Variants in ANO4 observed in about 807,000 individuals in gnomAD.
ANO4 encodes the protein anoctamin-4.
ANO4 carries 69 observed loss-of-function variants against 141.9 expected under a neutral mutation model. The observed-to-expected ratio is 0.49, with a 90% CI of 0.40 to 0.59. The LOEUF (loss-of-function observed/expected upper bound fraction) is 0.59, where lower values mean the gene tolerates loss of function less well. ANO4 is among the 20% of genes least tolerant of loss of function. The probability of loss-of-function intolerance (pLI) is 0.00; values close to 1 mark genes in which losing one functional copy is unlikely to be tolerated. For synonymous variants in ANO4, 350 were observed against 394.3 expected (o/e 0.89, Z 1.33); for missense variants, 894 against 1,162.2 (o/e 0.77, Z 3.36).
intron 25 of ANO4, among the ~76,000 whole-genome samples, chr12:101,119,586 GA>G: frequency 1.3e-5 from 2 of 152,196 alleles, no homozygotes; most frequent in Admixed American, 1.3e-4. Context: ...GCAATAATGT[GA>G]ATGAATCTTA....
chr12:100,931,777 T>C (rs770972559), intron 3 of ANO4, among the ~76,000 whole-genome samples: 23 of 152,098 alleles, frequency 1.5e-4, no homozygotes, highest in Non-Finnish European at 2.5e-4. Flanking sequence ...AAAATTGATG[T>C]CATCCTACAA....
intron 3 of ANO4, among the ~76,000 whole-genome samples, chr12:100,768,087 G>A (rs2033159842): frequency 6.6e-6 from 1 of 152,162 alleles, no homozygotes; most frequent in Non-Finnish European, 1.5e-5. Flanking sequence ...GGTTGAGGGA[G>A]TTGGCCTGAA....
At chr12:100,884,055 T>C (rs886734584) in intron 1 of ANO4, among the ~76,000 whole-genome samples, 16 of 152,190 alleles carry the variant, frequency 1.1e-4, no homozygotes, top group African/African-American at 3.9e-4. Context: ...ATAAATAACA[T>C]ATATGGGTTC....
In ANO4 at chr12:101,014,789, C is replaced by G. The variant is rs146537626; in HGVS notation, c.735-5245C>G. Among the ~76,000 whole-genome samples the G allele has an allele frequency of 9.2e-5, 14 of 152,196 alleles. No homozygotes were observed. In the East Asian group the frequency reaches 2.7e-3, roughly 29 times the overall value. ...TTTCAGGGGGAATGTGAGAGCAAAC[C>G]TAGAACAGAAATGTGCTTTCCTTTT... On this transcript the variant is annotated intron_variant, in intron 8 of 27. Transcript: ENST00000392977.
chr12:101,048,835 T>C (rs966630120), intron 14 of ANO4, among the ~76,000 whole-genome samples: 2 of 152,162 alleles, frequency 1.3e-5, no homozygotes, highest in South Asian at 4.1e-4. Context: ...ACAGGACTGA[T>C]TTGAGCTTTT....
chr12:100,994,821 A>C (rs1478146177), intron 8 of ANO4, among the ~76,000 whole-genome samples: 1 of 152,190 alleles, frequency 6.6e-6, no homozygotes, highest in Non-Finnish European at 1.5e-5. Flanking sequence ...TGGAGCTTAC[A>C]TTGTAGCTGG....
At chr12:101,025,226 TG>T (rs533558056) in intron 9 of ANO4, among the ~76,000 whole-genome samples, 118 of 152,336 alleles carry the variant, frequency 7.7e-4, no homozygotes, top group African/African-American at 2.7e-3. Flanking sequence ...CACTGAATAT[TG>T]GGCAACCCAA....
intron 14 of ANO4, among the ~76,000 whole-genome samples, chr12:101,056,440 C>T (rs1028611214): frequency 1.3e-5 from 2 of 151,996 alleles, no homozygotes; most frequent in Admixed American, 6.6e-5. Context: ...TGTATATTGA[C>T]CATATATCTT....
At chr12:101,044,447 T>C (rs1030548746) in intron 13 of ANO4, among the ~76,000 whole-genome samples, 4 of 152,248 alleles carry the variant, frequency 2.6e-5, no homozygotes, top group Non-Finnish European at 5.9e-5. Context: ...TAGGTGGTGG[T>C]GTCCATAACA....
At chr12:100,881,616 G>T (rs1382574990) in intron 1 of ANO4, among the ~76,000 whole-genome samples, 2 of 152,136 alleles carry the variant, frequency 1.3e-5, no homozygotes, top group African/African-American at 4.8e-5. Context: ...CGAAATTGTT[G>T]TGTGATCTTG....
chr12:100,975,496 A>C (rs780308842), intron 7 of ANO4, among the ~76,000 whole-genome samples: 20 of 150,562 alleles, frequency 1.3e-4, no homozygotes, highest in Non-Finnish European at 2.7e-4. Context: ...ATCTCCGCTA[A>C]CCGCAACCTC....
chr12:101,022,922 G>T (rs2046590383), intron 9 of ANO4, among the ~76,000 whole-genome samples: 1 of 152,134 alleles, frequency 6.6e-6, no homozygotes, highest in Non-Finnish European at 1.5e-5. Flanking sequence ...TGTATTTTTA[G>T]TGGAGACGGG....
At chr12:100,829,058 G>A (rs1033659466) in intron 1 of ANO4, among the ~76,000 whole-genome samples, 3 of 151,754 alleles carry the variant, frequency 2.0e-5, no homozygotes, top group East Asian at 3.9e-4. Context: ...TTGATCTTAG[G>A]ATGAAATACC....
intron 1 of ANO4, among the ~76,000 whole-genome samples, chr12:100,803,939 A>G (rs1241905292): frequency 6.6e-6 from 1 of 151,366 alleles, no homozygotes; most frequent in Non-Finnish European, 1.5e-5. Context: ...CCCCCTTAGC[A>G]GAGCTTTTTT....
chr12:101,046,095 C>A (rs1362845593), intron 13 of ANO4, among the ~76,000 whole-genome samples: 2 of 152,238 alleles, frequency 1.3e-5, no homozygotes, highest in African/African-American at 4.8e-5. Flanking sequence ...GACAGCGTGC[C>A]CCAGGCACGA....
At chr12:101,042,079 T>C (rs2047431525) in intron 11 of ANO4, among the ~76,000 whole-genome samples, 1 of 152,134 alleles carries the variant, frequency 6.6e-6, no homozygotes, top group South Asian at 2.1e-4. Context: ...TCCAGTCCAT[T>C]CTGTCTTCTC....
rs1006303913 is a variant in ANO4, at chr12:100,906,019, A to G, written c.55+4179A>G. 2.0e-5 allele frequency among the ~76,000 whole-genome samples: 3 copies of G among 152,206 alleles called. No individual in the cohort carries two copies. In the East Asian group the frequency reaches 5.8e-4, roughly 29 times the overall value. ...GAGAAAGAGAGAGAGAAAGAAAGATATGGAGAGGGGAAATATGTTTGCCAA... is the reference window on the plus strand; with the variant it reads ...GAGAAAGAGAGAGAGAAAGAAAGATGTGGAGAGGGGAAATATGTTTGCCAA... On this transcript the variant is annotated intron_variant, in intron 2 of 27. Transcript: ENST00000392977.
At chr12:100,936,266 C>T (rs2136155020) in intron 3 of ANO4, among the ~76,000 whole-genome samples, 1 of 152,250 alleles carries the variant, frequency 6.6e-6, no homozygotes, top group African/African-American at 2.4e-5. Flanking sequence ...TTCTCAACTT[C>T]AGCACCAATT....
At chr12:100,791,242 G>C (rs1161630257), upstream of ANO4, among the ~76,000 whole-genome samples, 5 of 152,112 alleles carry the variant, frequency 3.3e-5, no homozygotes, top group Admixed American at 2.6e-4. Flanking sequence ...AGCCGGGTGT[G>C]GTGGCATGCA....
Sources: allele counts gnomAD v4.1 joint callset (sites outside exome capture counted in the v4.1 genomes callset), GRCh38; gene constraint gnomAD v4.1.1; transcripts MANE v1.5; gene names NCBI Gene and HGNC (gene_info 2026-07-23, HGNC 2026-07-21).